Variants in NEGR1 observed in about 807,000 individuals in gnomAD.
NEGR1 encodes neuronal growth regulator 1, also known as IgLON family member 4.
A neutral mutation model predicts 40.9 loss-of-function variants in NEGR1; 10 were observed. That is an observed-to-expected ratio of 0.24 (90% confidence interval 0.15 to 0.42). The LOEUF is 0.42. NEGR1 is among the 10% of genes least tolerant of loss of function. The pLI, the probability that NEGR1 is intolerant of heterozygous loss-of-function variation, is 1.00. For synonymous variants in NEGR1, 185 were observed against 166.8 expected (o/e 1.11, Z -0.84); for missense variants, 352 against 438.9 (o/e 0.80, Z 1.77).
At chr1:71,520,527 T>G (rs371130750) in intron 6 of NEGR1, among the ~76,000 whole-genome samples, 1 of 152,116 alleles carries the variant, frequency 6.6e-6, no homozygotes, top group Non-Finnish European at 1.5e-5. Context: ...TATGGACTAA[T>G]ATATACATTC....
At chr1:71,939,663 C>A (rs1215764374) in intron 1 of NEGR1, among the ~76,000 whole-genome samples, 1 of 151,920 alleles carries the variant, frequency 6.6e-6, no homozygotes, top group East Asian at 1.9e-4. Flanking sequence ...ATTCAGTGAT[C>A]AGAAAAAAAG....
intron 4 of NEGR1, among the ~76,000 whole-genome samples, chr1:71,677,278 A>T (rs1195189320): frequency 6.6e-6 from 1 of 152,100 alleles, no homozygotes; most frequent in Non-Finnish European, 1.5e-5. Context: ...TCCGGATAGG[A>T]TAAAATCGTA....
chr1:72,108,714 T>C (rs763221452), intron 1 of NEGR1, among the ~76,000 whole-genome samples: 1 of 151,572 alleles, frequency 6.6e-6, no homozygotes, highest in Admixed American at 6.6e-5. Flanking sequence ...TCAGATATCT[T>C]GACCTCCTTA....
chr1:71,881,173 C>T (rs1169433606), intron 2 of NEGR1, among the ~76,000 whole-genome samples: 5 of 151,988 alleles, frequency 3.3e-5, no homozygotes, highest in Non-Finnish European at 7.4e-5. Flanking sequence ...AGAAATTACA[C>T]AGATCATAGG....
intron 1 of NEGR1, among the ~76,000 whole-genome samples, chr1:72,142,525 T>TGATA (rs57515875): frequency 0.45 from 66,173 of 146,384 alleles, 14,981 homozygotes; most frequent in Non-Finnish European, 0.49. Flanking sequence ...CCTAGATAGA[T>TGATA]GATAGATAGA....
chr1:71,748,309 AT>A (rs1312961321), intron 3 of NEGR1, among the ~76,000 whole-genome samples: 1 of 152,180 alleles, frequency 6.6e-6, no homozygotes, highest in East Asian at 1.9e-4. Flanking sequence ...ATAATTAATA[AT>A]GTTAGTACAC....
At chr1:71,428,562 TAATC>T (rs1264960027) in intron 6 of NEGR1, among the ~76,000 whole-genome samples, 1 of 151,964 alleles carries the variant, frequency 6.6e-6, no homozygotes, top group Non-Finnish European at 1.5e-5. Flanking sequence ...TAGAACAAAA[TAATC>T]AGAATAGTTG....
chr1:71,658,620 C>A (rs1651950745), intron 4 of NEGR1, among the ~76,000 whole-genome samples: 2 of 151,806 alleles, frequency 1.3e-5, no homozygotes, highest in South Asian at 2.1e-4. Flanking sequence ...AACATGAAGA[C>A]CCTGATTAAA....
intron 2 of NEGR1, among the ~76,000 whole-genome samples, chr1:71,852,968 G>T (rs1485826445): frequency 6.6e-6 from 1 of 152,042 alleles, no homozygotes; most frequent in Non-Finnish European, 1.5e-5. Context: ...AGATCACAGA[G>T]ATTTCAATGT....
At chr1:71,626,027 C>T (rs1185076287) in intron 4 of NEGR1, among the ~76,000 whole-genome samples, 1 of 151,758 alleles carries the variant, frequency 6.6e-6, no homozygotes. Context: ...ATGTAAGCTG[C>T]ATGCTCCTTA....
chr1:71,764,355 T>C (rs999004597), intron 3 of NEGR1, among the ~76,000 whole-genome samples: 1 of 152,234 alleles, frequency 6.6e-6, no homozygotes, highest in Admixed American at 6.5e-5. Context: ...CTGTTTGATA[T>C]TGGAATACAT....
intron 6 of NEGR1, among the ~76,000 whole-genome samples, chr1:71,424,284 A>G (rs941967834): frequency 6.6e-6 from 1 of 152,298 alleles, no homozygotes; most frequent in East Asian, 1.9e-4. Flanking sequence ...TGTAATTTGT[A>G]TGATAATATA....
chr1:72,040,309 A>T (rs1255093061), intron 1 of NEGR1, among the ~76,000 whole-genome samples: 1 of 151,904 alleles, frequency 6.6e-6, no homozygotes, highest in East Asian at 1.9e-4. Context: ...TCTGTGTTGA[A>T]TCTGCAATAG....
chr1:71,696,659 A>G (rs1653483848), intron 4 of NEGR1, among the ~76,000 whole-genome samples: 1 of 151,828 alleles, frequency 6.6e-6, no homozygotes, highest in African/African-American at 2.4e-5. Flanking sequence ...CTTGTTTGTT[A>G]CCTCTTATTT....
At chr1:72,092,548 C>T (rs908425727) in intron 1 of NEGR1, among the ~76,000 whole-genome samples, 20 of 152,112 alleles carry the variant, frequency 1.3e-4, no homozygotes, top group Admixed American at 2.6e-4. Flanking sequence ...ACATAATCCA[C>T]GAGTCAAAGG....
chr1:71,649,771 C>T (rs567091558), intron 4 of NEGR1, among the ~76,000 whole-genome samples: 10 of 152,190 alleles, frequency 6.6e-5, no homozygotes, highest in Non-Finnish European at 1.3e-4. Context: ...TTCCTAGTCT[C>T]GTCAGCCTGA....
At chr1:72,039,570 A>T (rs765584812) in intron 1 of NEGR1, among the ~76,000 whole-genome samples, 2 of 152,026 alleles carry the variant, frequency 1.3e-5, no homozygotes, top group African/African-American at 2.4e-5. Context: ...GAAAAAAACA[A>T]CAAAATTATT....
At chr1:71,463,893 A>G (rs555542530) in intron 6 of NEGR1, among the ~76,000 whole-genome samples, 24 of 152,296 alleles carry the variant, frequency 1.6e-4, no homozygotes, top group Non-Finnish European at 3.1e-4. Context: ...AAAGGACCCC[A>G]AATGATACTA....
intron 1 of NEGR1, among the ~76,000 whole-genome samples, chr1:72,184,341 C>T (rs2100418300): frequency 6.6e-6 from 1 of 152,094 alleles, no homozygotes; most frequent in East Asian, 1.9e-4. Flanking sequence ...AAGTAGGCAG[C>T]AGAAAGACAT....
Sources: gnomAD v4.1 joint callset for allele counts (sites outside exome capture counted in the v4.1 genomes callset) on GRCh38, gnomAD v4.1.1 for gene constraint, MANE v1.5 for transcripts, NCBI Gene and HGNC (gene_info 2026-07-23, HGNC 2026-07-21) for gene names.